ITFG1: variants seen among roughly 807,000 people sequenced by gnomAD.
The protein encoded by ITFG1 is T-cell immunomodulatory protein.
A neutral mutation model predicts 81.8 loss-of-function variants in ITFG1; 34 were observed. The ratio of observed to expected loss-of-function variants is 0.42; its 90% CI spans 0.32 to 0.55. The LOEUF is 0.55. Among genes scored for constraint, ITFG1 ranks in the 20% least tolerant of loss-of-function variants. The pLI, the probability that ITFG1 is intolerant of heterozygous loss-of-function variation, is 0.17. For synonymous variants in ITFG1, 285 were observed against 270.6 expected (o/e 1.05, Z -0.52); for missense variants, 672 against 755.4 (o/e 0.89, Z 1.29).
At chr16:47,445,241 G>T (rs1024177235) in intron 5 of ITFG1, among the ~76,000 whole-genome samples, 7 of 124,224 alleles carry the variant, frequency 5.6e-5, no homozygotes, top group African/African-American at 2.2e-4. Flanking sequence ...GCGAGACTCC[G>T]TCTCAGAAAA....
chr16:47,292,203 C>T (rs1278863042), intron 10 of ITFG1, among the ~76,000 whole-genome samples: 1 of 151,842 alleles, frequency 6.6e-6, no homozygotes, highest in African/African-American at 2.4e-5. Context: ...TAGTAGAGAT[C>T]GGGTTTCACC....
intron 10 of ITFG1, among the ~76,000 whole-genome samples, chr16:47,273,162 C>G (rs1399154691): frequency 6.6e-6 from 1 of 151,806 alleles, no homozygotes; most frequent in Non-Finnish European, 1.5e-5. Flanking sequence ...TTCTCCTCTT[C>G]CAGACTGTCT....
intron 6 of ITFG1, among the ~76,000 whole-genome samples, chr16:47,386,637 C>T (rs960197938): frequency 2.6e-4 from 39 of 152,148 alleles, no homozygotes; most frequent in African/African-American, 9.2e-4. Flanking sequence ...GGTTCAATGC[C>T]GGAAAGGGAA....
At chr16:47,217,185 T>C (rs1965635404) in intron 14 of ITFG1, among the ~76,000 whole-genome samples, 1 of 152,172 alleles carries the variant, frequency 6.6e-6, no homozygotes, top group Non-Finnish European at 1.5e-5. Flanking sequence ...ACTGATGCAC[T>C]GCTATAACAA....
intron 6 of ITFG1, 34 bp downstream of exon 6, chr16:47,428,770 A>G (rs1166734505): frequency 7.8e-7 from 1 of 1,286,684 alleles, no homozygotes; most frequent in African/African-American, 1.5e-5. Context: ...TTCTTTGGTA[A>G]CTCAAAACAA....
At chr16:47,432,416 G>A (rs1261425273) in intron 5 of ITFG1, among the ~76,000 whole-genome samples, 1 of 152,152 alleles carries the variant, frequency 6.6e-6, no homozygotes, top group Non-Finnish European at 1.5e-5. Context: ...TTCTTGGCAG[G>A]TGGAATCTGG....
intron 12 of ITFG1, among the ~76,000 whole-genome samples, chr16:47,243,791 A>G (rs1464165815): frequency 6.6e-6 from 1 of 152,224 alleles, no homozygotes. Context: ...CCTGTAATCC[A>G]GCACTATGGG....
intron 8 of ITFG1, among the ~76,000 whole-genome samples, chr16:47,324,353 G>A (rs1967497086): frequency 6.6e-6 from 1 of 151,944 alleles, no homozygotes; most frequent in South Asian, 2.1e-4. Context: ...ACATGGAAAG[G>A]AACAACTGGT....
chr16:47,200,955 G>A (rs374008306), intron 14 of ITFG1, among the ~76,000 whole-genome samples: 1 of 152,008 alleles, frequency 6.6e-6, no homozygotes, highest in Non-Finnish European at 1.5e-5. Flanking sequence ...CTAAATTCCT[G>A]GCTCATTTTC....
chr16:47,188,507 G>A (rs1381361776), intron 14 of ITFG1, among the ~76,000 whole-genome samples: 5 of 149,762 alleles, frequency 3.3e-5, no homozygotes, highest in Non-Finnish European at 5.9e-5. Flanking sequence ...GTAAACTATT[G>A]CAAGAACAAA....
intron 10 of ITFG1, among the ~76,000 whole-genome samples, chr16:47,302,217 G>A (rs1296745495): frequency 6.6e-6 from 1 of 152,096 alleles, no homozygotes; most frequent in Non-Finnish European, 1.5e-5. Context: ...TCTATTAACG[G>A]AAGGGTTACC....
At chr16:47,399,338 C>T (rs1968630215) in intron 6 of ITFG1, among the ~76,000 whole-genome samples, 1 of 152,268 alleles carries the variant, frequency 6.6e-6, no homozygotes, top group African/African-American at 2.4e-5. Flanking sequence ...CTTTGGGAGG[C>T]CAAGGCGGGC....
chr16:47,455,527 T>G (rs1412189581), intron 2 of ITFG1, among the ~76,000 whole-genome samples: 1 of 148,726 alleles, frequency 6.7e-6, no homozygotes, highest in African/African-American at 2.5e-5. Context: ...CTTTGGGAGG[T>G]GGAGGTGGAG....
At chr16:47,223,035 T>G (rs1965713018) in intron 13 of ITFG1, among the ~76,000 whole-genome samples, 2 of 151,714 alleles carry the variant, frequency 1.3e-5, no homozygotes, top group Admixed American at 6.6e-5. Flanking sequence ...TAGCCATATG[T>G]AGAAAGCTGA....
At chr16:47,345,277 A>T (rs79479234) in intron 8 of ITFG1, among the ~76,000 whole-genome samples, 10 of 150,992 alleles carry the variant, frequency 6.6e-5, no homozygotes, top group Non-Finnish European at 1.2e-4. Context: ...AAGAAAAAAA[A>T]TTGCAAAAAA....
chr16:47,450,556 A>G, intron 5 of ITFG1: 1 of 236,304 alleles, frequency 4.2e-6, no homozygotes, highest in Non-Finnish European at 8.7e-6. Flanking sequence ...TCACATTTCA[A>G]AAATGAATCA....
intron 8 of ITFG1, among the ~76,000 whole-genome samples, chr16:47,350,625 T>C (rs1177116665): frequency 1.3e-5 from 2 of 152,230 alleles, no homozygotes; most frequent in Non-Finnish European, 2.9e-5. Context: ...AGCCGAATTC[T>C]ACCTGAGGTA....
At chr16:47,380,036 C>G (rs1399837835) in intron 6 of ITFG1, among the ~76,000 whole-genome samples, 1 of 136,194 alleles carries the variant, frequency 7.3e-6, no homozygotes, top group East Asian at 2.1e-4. Context: ...GGAAGAGGGT[C>G]TCTTGGGTAG....
intron 5 of ITFG1, among the ~76,000 whole-genome samples, chr16:47,447,605 A>C (rs1969339999): frequency 6.6e-6 from 1 of 152,146 alleles, no homozygotes; most frequent in African/African-American, 2.4e-5. Flanking sequence ...ATCTTGGCTC[A>C]CTGCAACCTC....
Sources: gnomAD v4.1 joint callset for allele counts (sites outside exome capture counted in the v4.1 genomes callset) on GRCh38, gnomAD v4.1.1 for gene constraint, MANE v1.5 for transcripts, NCBI Gene and HGNC (gene_info 2026-07-23, HGNC 2026-07-21) for gene names.